Variants in TRERF1 observed in about 807,000 individuals in gnomAD.
The protein encoded by TRERF1 is transcriptional-regulating factor 1.
TRERF1 carries 27 observed loss-of-function variants against 122.9 expected under a neutral mutation model. That is an observed-to-expected ratio of 0.22 (90% CI 0.16 to 0.30). TRERF1 has a LOEUF of 0.30. TRERF1 is among the 10% of genes least tolerant of loss of function. The pLI, the probability that TRERF1 is intolerant of heterozygous loss-of-function variation, is 1.00. For missense variants in TRERF1, 1,248 were observed against 1,560.3 expected, an observed-to-expected ratio of 0.80 and a Z score of 3.37; for synonymous variants, 636 against 641.7, an observed-to-expected ratio of 0.99 and a Z score of 0.13.
rs753047605 is a variant in TRERF1 at position 42,268,268 on chromosome 6, C to G, written c.1323G>C (p.Leu441=). 1 of 1,498,838 alleles carries G rather than the reference C, an allele frequency of 6.7e-7. No individual in the cohort carries two copies. The highest frequency in any genetic ancestry group is 1.4e-5 in the South Asian group (1 of 71,160). The allele number at this position is 1,498,838 out of a possible 1,614,324, so 92.8% of individuals were successfully genotyped here. A position where few individuals can be genotyped will look rare whatever the true frequency, so the allele number is the denominator to read the frequency against. The change falls in exon 5 of 18, where the codon CTG becomes CTC. Residue 441 remains leucine, a synonymous_variant. Transcript: ENST00000372922. This position sits in a 1 kb window ranked among gnomAD's most constrained non-coding sequence, Gnocchi z 4.4. Reference sequence around the variant, plus strand: ...GGGGGAGGGTGCTGCTGACCCGGGTCAGATCTGAGCTCGCTGGGTCTCCCA... The same window carrying G: ...GGGGGAGGGTGCTGCTGACCCGGGTGAGATCTGAGCTCGCTGGGTCTCCCA...
chr6:42,371,846 T>A (rs1449450053), intron 2 of TRERF1, among the ~76,000 whole-genome samples: 1 of 152,124 alleles, frequency 6.6e-6, no homozygotes, highest in East Asian at 1.9e-4. Context: ...GCAGCACTGT[T>A]CTGTTTAAGT....
At chr6:42,377,733 A>C (rs1234819005) in intron 2 of TRERF1, among the ~76,000 whole-genome samples, 1 of 152,188 alleles carries the variant, frequency 6.6e-6, no homozygotes, top group Non-Finnish European at 1.5e-5. Context: ...ACAGTGGCTC[A>C]GGATAGCAGC....
chr6:42,348,975 G>A (rs939110340), intron 3 of TRERF1, among the ~76,000 whole-genome samples: 9 of 152,124 alleles, frequency 5.9e-5, no homozygotes, highest in African/African-American at 1.7e-4. Flanking sequence ...CTTTACTTCC[G>A]CATCCATGAA....
rs1234493557 is a variant in TRERF1 at position 42,268,762 on chromosome 6, G to C, written c.829C>G (p.Gln277Glu). The stretch of plus-strand genomic sequence containing the variant: ...ATGGAGATACGCTGTTGCCCGGCTT[G>C]CTGCTGTTGCTGCGGTGGGTAATAC... Residue 277 changes from glutamine (Q) to glutamate (E), a missense_variant, in exon 5 of 18, where the codon CAA becomes GAA. This residue lies in a region of TRERF1 where 946 missense variants were observed against 1,073.0 expected (regional missense o/e 0.88). Coordinates refer to ENST00000372922, the Ensembl canonical transcript of TRERF1. This position sits in a 1 kb window ranked among gnomAD's most constrained non-coding sequence, Gnocchi z 4.4. 1 of 1,614,194 alleles carries C rather than the reference G, an allele frequency of 6.2e-7. No homozygotes were observed. Among genetic ancestry groups the C allele is most frequent in the South Asian group, 1.1e-5 (1 of 91,084 alleles).
intron 4 of TRERF1, among the ~76,000 whole-genome samples, chr6:42,292,040 T>G (rs536289959): frequency 4.5e-4 from 69 of 152,256 alleles, no homozygotes; most frequent in African/African-American, 1.6e-3. Context: ...GAGCCTCAAT[T>G]TTGACATCTG....
intron 3 of TRERF1, among the ~76,000 whole-genome samples, chr6:42,322,301 A>G (rs945408442): frequency 1.3e-5 from 2 of 152,120 alleles, no homozygotes; most frequent in African/African-American, 2.4e-5. Context: ...CTAAAATAGG[A>G]GTAAAATTAA....
At chr6:42,319,629 C>A (rs1406864557) in intron 3 of TRERF1, among the ~76,000 whole-genome samples, 1 of 151,968 alleles carries the variant, frequency 6.6e-6, no homozygotes, top group Non-Finnish European at 1.5e-5. Flanking sequence ...CGAAACTAGG[C>A]TGAACAACAT....
At chr6:42,326,875 A>T (rs1764377469) in intron 3 of TRERF1, among the ~76,000 whole-genome samples, 1 of 152,202 alleles carries the variant, frequency 6.6e-6, no homozygotes, top group Admixed American at 6.5e-5. Flanking sequence ...TCAACAGACA[A>T]GGGACTTTTG....
At chr6:42,365,865 T>C (rs1166502030) in intron 2 of TRERF1, among the ~76,000 whole-genome samples, 2 of 152,232 alleles carry the variant, frequency 1.3e-5, no homozygotes, top group Non-Finnish European at 2.9e-5. Flanking sequence ...TCTTACAGCA[T>C]TGCATTTACT....
rs1211461025 is a variant in TRERF1 at position 42,275,021 on chromosome 6, C to G, written c.-258-5173G>C. On this transcript the variant is annotated intron_variant, in intron 4 of 17. Transcript: ENST00000372922. This position sits in a 1 kb window ranked among gnomAD's most constrained non-coding sequence, Gnocchi z 4.1. ...AGTCAATCAGGTTCTTATATATCCT[C>G]CTAGAGACACTTTATGCTCATACAA... Among the ~76,000 whole-genome samples, 1 of 152,230 alleles carries G rather than the reference C, an allele frequency of 6.6e-6. No homozygotes were observed. Among genetic ancestry groups the G allele is most frequent in the Non-Finnish European group, 1.5e-5 (1 of 68,036 alleles).
At chr6:42,319,005 G>A (rs1015395868) in intron 3 of TRERF1, among the ~76,000 whole-genome samples, 1 of 152,190 alleles carries the variant, frequency 6.6e-6, no homozygotes, top group Non-Finnish European at 1.5e-5. Context: ...AACTTGTATC[G>A]CTTTTGGGCC....
At chr6:42,323,094 G>A (rs567596351) in intron 3 of TRERF1, among the ~76,000 whole-genome samples, 1 of 151,586 alleles carries the variant, frequency 6.6e-6, no homozygotes, top group African/African-American at 2.4e-5. Flanking sequence ...AACAAAACAT[G>A]TATTTGTCTA....
intron 14 of TRERF1, among the ~76,000 whole-genome samples, chr6:42,245,895 G>T (rs1316674162): frequency 6.6e-6 from 1 of 152,188 alleles, no homozygotes; most frequent in East Asian, 1.9e-4. Flanking sequence ...ATCACTTGAG[G>T]TTACGAGTTC....
chr6:42,273,243 T>C (rs955508032), intron 4 of TRERF1, among the ~76,000 whole-genome samples: 12 of 152,126 alleles, frequency 7.9e-5, no homozygotes, highest in African/African-American at 2.7e-4. Context: ...ATTATTTGAT[T>C]AATGGATCTT....
At chr6:42,351,292 A>C (rs1769397906) in intron 3 of TRERF1, among the ~76,000 whole-genome samples, 1 of 152,238 alleles carries the variant, frequency 6.6e-6, no homozygotes, top group Non-Finnish European at 1.5e-5. Flanking sequence ...TGAAATAATC[A>C]GAGGAATACT....
At chr6:42,441,170 CA>C (rs1280862337) in intron 2 of TRERF1, among the ~76,000 whole-genome samples, 1 of 152,120 alleles carries the variant, frequency 6.6e-6, no homozygotes, top group African/African-American at 2.4e-5. Context: ...TTCCACTAAT[CA>C]AAACAGAAAG....
At chr6:42,317,591 G>C (rs1376404429) in intron 3 of TRERF1, among the ~76,000 whole-genome samples, 2 of 152,110 alleles carry the variant, frequency 1.3e-5, no homozygotes, top group Admixed American at 6.5e-5. Context: ...CTGGGCTCAA[G>C]CAAGCCTCCC....
chr6:42,349,488 C>T (rs1478611932), intron 3 of TRERF1, among the ~76,000 whole-genome samples: 1 of 152,046 alleles, frequency 6.6e-6, no homozygotes, highest in Non-Finnish European at 1.5e-5. Flanking sequence ...ATGCTATAAA[C>T]CCTTCTAACT....
chr6:42,258,143 A>G (rs1338159764), exon 10 of TRERF1: 1 of 1,613,998 alleles, frequency 6.2e-7, no homozygotes, highest in African/African-American at 1.3e-5. Flanking sequence ...ACGGTTCAAC[A>G]TCTACAGTCT....
Sources: allele counts gnomAD v4.1 joint callset (sites outside exome capture counted in the v4.1 genomes callset), GRCh38; gene constraint gnomAD v4.1.1; regional missense constraint gnomAD v4.1.1; non-coding constraint Gnocchi (gnomAD v3.1); transcripts MANE v1.5; gene names NCBI Gene and HGNC (gene_info 2026-07-23, HGNC 2026-07-21).